The following EML5 variants were observed in gnomAD, a reference collection of about 807,000 sequenced individuals.
The protein encoded by EML5 is EMAP like 5.
EML5 carries 120 observed loss-of-function variants against 250.0 expected under a neutral mutation model. The observed-to-expected ratio is 0.48, with a 90% confidence interval of 0.41 to 0.56. The LOEUF is 0.56. EML5 is among the 20% of genes least tolerant of loss of function. EML5 has a pLI of 0.00. For missense variants in EML5, 2,006 were observed against 2,437.6 expected, an observed-to-expected ratio of 0.82 and a Z score of 3.73; for synonymous variants, 771 against 806.5, an observed-to-expected ratio of 0.96 and a Z score of 0.75.
intron 4 of EML5, among the ~76,000 whole-genome samples, chr14:88,741,497 G>A (rs138388021): frequency 2.0e-5 from 3 of 152,268 alleles, no homozygotes; most frequent in African/African-American, 7.2e-5. Context: ...GTTCTATTAG[G>A]TGGAATTAGG....
Position 88,643,030 on chromosome 14 carries a change from GATA to G in EML5, c.4108-11_4108-9del. The G allele has an allele frequency of 1.3e-6, 2 of 1,561,130 alleles. No individual in the cohort carries two copies. The highest frequency in any genetic ancestry group is 8.6e-7 in the Non-Finnish European group (1 of 1,163,308). ...GAGCTCCAACACAAGGTCCTATAAT[GATA>G]ATAATAAAACCATTATATTCTTCCT... On this transcript the variant is annotated splice_polypyrimidine_tract_variant and intron_variant, in intron 30 of 43. Coordinates refer to ENST00000554922, the MANE Select transcript of EML5 (RefSeq NM_183387.3).
chr14:88,657,366 A>G lies in EML5; in HGVS notation c.4004+10T>C. The G allele has an allele frequency of 6.4e-7, 1 of 1,550,532 alleles. No individual in the cohort carries two copies. The highest frequency in any genetic ancestry group is 8.7e-7 in the Non-Finnish European group (1 of 1,147,600). On this transcript the variant is annotated intron_variant, in intron 27 of 43. Coordinates refer to ENST00000554922, the MANE Select transcript of EML5 (RefSeq NM_183387.3). ...CTTTTTCTTCATCTAATACTAAACT[A>G]AATTATTACCTTTCATCAATTGAGG...
chr14:88,722,207 G>A (rs996681695), intron 8 of EML5, among the ~76,000 whole-genome samples: 3 of 152,288 alleles, frequency 2.0e-5, no homozygotes, highest in East Asian at 1.9e-4. Context: ...ATGGTGTGGC[G>A]ATTCCTCAAA....
Position 88,620,854 on chromosome 14 carries a change from C to T in EML5, c.5275G>A (p.Ala1759Thr), listed in dbSNP as rs375765728. Residue 1759 changes from alanine (A) to threonine (T), a missense_variant, in exon 39 of 44, where the codon GCT (alanine) becomes ACT (threonine). Ala to Thr is a moderately conservative substitution (Grantham distance 58, BLOSUM62 0). Around this residue, in one of 7 missense-constraint regions of EML5, gnomAD observed 405 missense variants for 523.3 expected, o/e 0.77. Transcript: ENST00000554922. The surrounding 1 kb of genome is among the most constrained non-coding windows in gnomAD (Gnocchi z 4.3). The stretch of plus-strand genomic sequence containing the variant: ...AATTCTCCATTTTTCATTCCAATAG[C>T]CACCATGTCCCCTTCAGGGCTGTAA... ...VCYSPEGDMV[A>T]IGMKNGEFII... 3 of 1,589,070 alleles carry T rather than the reference C, an allele frequency of 1.9e-6. No homozygotes were observed. In the African/African-American group the frequency reaches 4.0e-5, roughly 21 times the overall value.
At chr14:88,626,731 A>G in intron 35 of EML5, 107 bp downstream of exon 35, 4 of 1,103,642 alleles carry the variant, frequency 3.6e-6, no homozygotes, top group Non-Finnish European at 3.9e-6. Flanking sequence ...GCATGTAATG[A>G]TTAGCAGATC....
intron 42 of EML5, 136 bp from the exon 43 acceptor site, chr14:88,616,378 CTTTTCAGCA>C: frequency 1.2e-6 from 1 of 844,268 alleles, no homozygotes; most frequent in East Asian, 2.6e-5. Flanking sequence ...GATTAGAATG[CTTTTCAGCA>C]TGAGTAGTGG....
At chr14:88,752,914 C>T (rs1023725488) in intron 2 of EML5, among the ~76,000 whole-genome samples, 3 of 152,144 alleles carry the variant, frequency 2.0e-5, no homozygotes, top group Admixed American at 6.5e-5. Flanking sequence ...CTCTCCAGTT[C>T]GCCATACCAC....
At chr14:88,641,707 C>G (rs1417937190) in intron 31 of EML5, among the ~76,000 whole-genome samples, 1 of 152,096 alleles carries the variant, frequency 6.6e-6, no homozygotes, top group East Asian at 1.9e-4. Context: ...AAACCCACTT[C>G]CTACACTATG....
intron 21 of EML5, among the ~76,000 whole-genome samples, chr14:88,667,918 C>T (rs1260794674): frequency 1.3e-5 from 2 of 152,206 alleles, no homozygotes; most frequent in Non-Finnish European, 2.9e-5. Flanking sequence ...GTGGTTCTGA[C>T]CATTCAGCTC....
Position 88,792,228 on chromosome 14 carries a change from C to A in EML5, c.197+79G>T. The A allele has an allele frequency of 6.6e-7, 1 of 1,503,994 alleles. No individual in the cohort carries two copies. The highest frequency in any genetic ancestry group is 8.9e-7 in the Non-Finnish European group (1 of 1,121,292). The allele number at this position is 1,503,994 out of a possible 1,614,324, so 93.2% of individuals were successfully genotyped here. ...GTGATGCTCCGTGCAGGAGCGGTCA[C>A]GGCGTCCAGAGGAACCCGCGGGTGC... On this transcript the variant is annotated intron_variant, in intron 1 of 43. Coordinates refer to ENST00000554922, the MANE Select transcript of EML5 (RefSeq NM_183387.3). This position sits in a 1 kb window ranked among gnomAD's most constrained non-coding sequence, Gnocchi z 6.9.
In EML5 at chr14:88,704,317, T is replaced by C. The variant is rs533405734; in HGVS notation, c.2051+543A>G. On this transcript the variant is annotated intron_variant, in intron 13 of 43. Transcript: ENST00000554922. ...ACACACCTGCTCCCCCTTTGCCTTC[T>C]GCCATGAGTAAAAGCTTCTTGAGGC... is the stretch of plus-strand genomic sequence containing the variant. Among the ~76,000 whole-genome samples, 82 of 152,276 alleles carry C rather than the reference T, an allele frequency of 5.4e-4. 1 individual carries two copies. Among genetic ancestry groups the C allele is most frequent in the South Asian group, 8.3e-4 (4 of 4,824 alleles).
chr14:88,677,244 G>A (rs2092615718), intron 21 of EML5, among the ~76,000 whole-genome samples: 1 of 151,954 alleles, frequency 6.6e-6, no homozygotes, highest in Admixed American at 6.6e-5. Context: ...AAAACTGGCT[G>A]GCCACATGCA....
intron 6 of EML5, among the ~76,000 whole-genome samples, chr14:88,737,290 G>A (rs1035215261): frequency 3.3e-5 from 5 of 152,178 alleles, no homozygotes; most frequent in African/African-American, 1.2e-4. Flanking sequence ...GGGGCTTCAG[G>A]GCCGCTAGAG....
intron 7 of EML5, among the ~76,000 whole-genome samples, chr14:88,735,609 C>G (rs1283547917): frequency 6.6e-6 from 1 of 152,196 alleles, no homozygotes; most frequent in African/African-American, 2.4e-5. Flanking sequence ...GTTGCTGCCT[C>G]TATGTAAGGC....
chr14:88,644,491 G>A lies in EML5; in HGVS notation c.4049C>T (p.Pro1350Leu). Residue 1350 changes from proline to leucine, a missense_variant, in exon 30 of 44, where the codon CCA becomes CTA. Physicochemically the swap from Pro to Leu is moderately conservative, Grantham distance 98 (BLOSUM62 -3). Transcript: ENST00000554922. ...RGSRPPVSRA[P>L]PQPEKLQTNN... is the part of the protein sequence containing the mutation. ...TGTCTGGAGTTTCTCTGGCTGTGGTGGGGCCCTGCTCACTGGAGGCCTGCA... is the reference window on the plus strand; with the variant it reads ...TGTCTGGAGTTTCTCTGGCTGTGGTAGGGCCCTGCTCACTGGAGGCCTGCA... 6.2e-7 allele frequency: 1 copy of A among 1,613,662 alleles called. No homozygotes were observed. Among genetic ancestry groups the A allele is most frequent in the Non-Finnish European group, 8.5e-7 (1 of 1,179,750 alleles).
At chr14:88,648,791 C>T (rs1248328740) in intron 28 of EML5, among the ~76,000 whole-genome samples, 2 of 152,118 alleles carry the variant, frequency 1.3e-5, no homozygotes, top group Non-Finnish European at 2.9e-5. Flanking sequence ...AGATGTGAGG[C>T]TAGATCCGGG....
chr14:88,647,322 T>A lies in EML5; in HGVS notation c.4020-367A>T, dbSNP rs138623577. Among the ~76,000 whole-genome samples, 13 of 151,760 alleles carry A rather than the reference T, an allele frequency of 8.6e-5. No homozygotes were observed. In the East Asian group the frequency reaches 2.3e-3, roughly 27 times the overall value. ...GAGGTTGCAGTGAGCCAAGACTGCA[T>A]GCGCCACTGCACTGCAGCCTGGGCG... On this transcript the variant is annotated intron_variant, in intron 28 of 43. Coordinates refer to ENST00000554922, the MANE Select transcript of EML5 (RefSeq NM_183387.3).
chr14:88,685,158 A>T lies in EML5; in HGVS notation c.2855-16T>A, dbSNP rs1249839094. The T allele has an allele frequency of 5.0e-6, 8 of 1,590,646 alleles. No homozygotes were observed. Among genetic ancestry groups the T allele is most frequent in the African/African-American group, 2.7e-5 (2 of 74,118 alleles). On this transcript the variant is annotated splice_polypyrimidine_tract_variant and intron_variant, in intron 19 of 43. Coordinates refer to ENST00000554922, the MANE Select transcript of EML5 (RefSeq NM_183387.3). Reference sequence around the variant, plus strand: ...AAGAGAAGACCTGAAATGTTAAATGAAGATGTTCTTTTAGACATACAGTTA... The same window carrying T: ...AAGAGAAGACCTGAAATGTTAAATGTAGATGTTCTTTTAGACATACAGTTA...
At position 88,665,415 on chromosome 14, in the gene EML5, C is replaced by T; in HGVS notation, c.3199G>A (p.Ala1067Thr). ...AGATCCTCTAGAGTATCCGCATTTG[C>T]CATTAAGAAGCTTCCATCGTTGAGA... ...VGLNDGSFLM[A>T]NADTLEDLVS... is the part of the protein sequence containing the mutation. Residue 1067 changes from alanine (A) to threonine (T), a missense_variant, in exon 22 of 44, where the codon GCA (alanine) becomes ACA (threonine). By Grantham distance (58) the Ala-to-Thr change is moderately conservative (BLOSUM62 0). Coordinates refer to ENST00000554922, the MANE Select transcript of EML5 (RefSeq NM_183387.3). The T allele has an allele frequency of 1.2e-6, 2 of 1,613,940 alleles. No homozygotes were observed. The highest frequency in any genetic ancestry group is 2.2e-5 in the East Asian group (1 of 44,876).
Sources: allele counts gnomAD v4.1 joint callset (sites outside exome capture counted in the v4.1 genomes callset), GRCh38; gene constraint gnomAD v4.1.1; regional missense constraint gnomAD v4.1.1; non-coding constraint Gnocchi (gnomAD v3.1); transcripts MANE v1.5; gene names NCBI Gene and HGNC (gene_info 2026-07-23, HGNC 2026-07-21).